PIGS: variants seen among roughly 807,000 people sequenced by gnomAD.
PIGS encodes the protein GPI-anchor transamidase component PIGS.
Under a neutral mutation model 58.2 loss-of-function variants are expected in PIGS, and 37 were observed. The ratio of observed to expected loss-of-function variants is 0.64; its 90% confidence interval spans 0.49 to 0.84. PIGS has a LOEUF of 0.84. Among genes scored for constraint, PIGS ranks in the 40% least tolerant of loss-of-function variants. The pLI is 0.00. For missense variants in PIGS, 629 were observed against 710.8 expected, an observed-to-expected ratio of 0.88 and a Z score of 1.31; for synonymous variants, 269 against 289.2, an observed-to-expected ratio of 0.93 and a Z score of 0.71.
At chr17:28,565,698 G>A (rs767431493) in intron 3 of PIGS, among the ~76,000 whole-genome samples, 3 of 152,054 alleles carry the variant, frequency 2.0e-5, no homozygotes, top group African/African-American at 7.2e-5. Context: ...AGACCAGCTC[G>A]GGGAACACAG....
chr17:28,568,941 C>T (rs1238320598), intron 3 of PIGS, among the ~76,000 whole-genome samples: 1 of 151,302 alleles, frequency 6.6e-6, no homozygotes, highest in African/African-American at 2.4e-5. Context: ...ACTAAAAATG[C>T]AAAAAATTAG....
At chr17:28,566,454 C>A (rs1279824281) in intron 3 of PIGS, among the ~76,000 whole-genome samples, 1 of 151,842 alleles carries the variant, frequency 6.6e-6, no homozygotes, top group African/African-American at 2.4e-5. Context: ...CCACACCCAG[C>A]TAATTTTTGT....
chr17:28,560,236 A>C, intron 6 of PIGS, 45 bp from the exon 7 acceptor site: 1 of 1,585,398 alleles, frequency 6.3e-7, no homozygotes, highest in Non-Finnish European at 8.6e-7. Context: ...TTGTGGATCA[A>C]AGAAGAGGGG....
Position 28,559,500 on chromosome 17 carries a change from A to G in PIGS, c.819+549T>C, listed in dbSNP as rs371392712. On this transcript the variant is annotated intron_variant, in intron 7 of 11. Coordinates refer to ENST00000308360, the MANE Select transcript of PIGS (RefSeq NM_033198.4). ...TACAAAAATCAGCTGGGCAAAGATC[A>G]AGACCATCCTGGCCAATGTGGTGAA... is the stretch of plus-strand genomic sequence containing the variant. Among the ~76,000 whole-genome samples the G allele has an allele frequency of 2.2e-3, 334 of 151,246 alleles. 1 individual carries two copies. Among genetic ancestry groups the G allele is most frequent in the African/African-American group, 8.0e-3 (331 of 41,284 alleles).
At chr17:28,561,365 T>C (rs1488269197) in intron 6 of PIGS, 57 bp downstream of exon 6, 2 of 1,570,690 alleles carry the variant, frequency 1.3e-6, no homozygotes, top group African/African-American at 1.4e-5. Context: ...CAGATTTCCC[T>C]CCTGCCCCAT....
In PIGS at chr17:28,563,372, AC is replaced by A. The variant is rs2070375271; in HGVS notation, c.468+58del. On this transcript the variant is annotated intron_variant, in intron 5 of 11. Coordinates refer to ENST00000308360, the MANE Select transcript of PIGS (RefSeq NM_033198.4). ...GTAGCAATGATGCAAGAAGGAGGTG[AC>A]CCAGGAGTCCACGAGCTGAAGGGAT... 4 of 1,355,176 alleles carry A rather than the reference AC, an allele frequency of 3.0e-6. 1 individual carries two copies. The highest frequency in any genetic ancestry group is 1.8e-4 in the Middle Eastern group (1 of 5,564). The allele number at this position is 1,355,176 out of a possible 1,614,324, so 83.9% of individuals were successfully genotyped here. A position where few individuals can be genotyped will look rare whatever the true frequency, so the allele number is the denominator to read the frequency against.
rs1251186141 is a variant in PIGS at position 28,556,234 on chromosome 17, G to A, written c.1113C>T (p.Ala371=). 1.2e-6 allele frequency: 2 copies of A among 1,613,744 alleles called. No individual in the cohort carries two copies. Among genetic ancestry groups the A allele is most frequent in the East Asian group, 4.5e-5 (2 of 44,868 alleles). Residue 371 remains alanine, a synonymous_variant, in exon 10 of 12, where the codon GCC becomes GCT. Transcript: ENST00000308360. The part of the protein sequence containing the change: ...VYNVDSKTYN[A]SVLPVRVEVD... ...CCTCGACTCTCACTGGCAGCACTGA[G>A]GCATTATAGGTTTTGGAGTCAACAT...
intron 3 of PIGS, among the ~76,000 whole-genome samples, chr17:28,569,091 C>G (rs183122783): frequency 1.4e-5 from 2 of 142,456 alleles, no homozygotes; most frequent in Admixed American, 6.9e-5. Flanking sequence ...GAGCGAAACT[C>G]CATCTCAAAA....
chr17:28,570,987 G>C (rs769679289), intron 2 of PIGS, 24 bp from the exon 3 acceptor site: 7 of 1,614,208 alleles, frequency 4.3e-6, no homozygotes, highest in Non-Finnish European at 5.9e-6. Context: ...CATCAGGGCC[G>C]TCACTGAGTC....
At chr17:28,562,733 C>T (rs879170270) in intron 5 of PIGS, among the ~76,000 whole-genome samples, 1 of 147,490 alleles carries the variant, frequency 6.8e-6, no homozygotes, top group African/African-American at 2.5e-5. Context: ...CGCACCCGGC[C>T]GATTCTTGTA....
At chr17:28,566,872 C>A (rs1176393285) in intron 3 of PIGS, among the ~76,000 whole-genome samples, 2 of 152,086 alleles carry the variant, frequency 1.3e-5, no homozygotes, top group Non-Finnish European at 2.9e-5. Flanking sequence ...GGATTACAGG[C>A]GTGAGCCACT....
Position 28,563,539 on chromosome 17 carries a change from G to A in PIGS, c.377-17C>T, listed in dbSNP as rs1337184748. On this transcript the variant is annotated splice_polypyrimidine_tract_variant and intron_variant, in intron 4 of 11. Coordinates refer to ENST00000308360, the MANE Select transcript of PIGS (RefSeq NM_033198.4). ...CTTCTGCCTCTGGGGGCAAGAACAG[G>A]TGGTACACCAAGAGCAAAACACCAT... 2 of 1,609,496 alleles carry A rather than the reference G, an allele frequency of 1.2e-6. No homozygotes were observed. Among genetic ancestry groups the A allele is most frequent in the Non-Finnish European group, 1.7e-6 (2 of 1,176,230 alleles).
intron 3 of PIGS, among the ~76,000 whole-genome samples, chr17:28,570,462 G>C (rs1363196335): frequency 3.3e-5 from 5 of 152,246 alleles, no homozygotes; most frequent in African/African-American, 1.2e-4. Flanking sequence ...AGTGAGCCAA[G>C]ATGGCGCCAC....
At position 28,555,170 on chromosome 17, in the gene PIGS, A is replaced by G; in HGVS notation, c.1182-109T>C. 2.7e-6 allele frequency: 3 copies of G among 1,123,508 alleles called. No individual in the cohort carries two copies. The South Asian group carries it at 4.5e-5, about 17-fold the overall frequency. The allele number at this position is 1,123,508 out of a possible 1,614,324, so 69.6% of individuals were successfully genotyped here. On this transcript the variant is annotated intron_variant, in intron 10 of 11. Coordinates refer to ENST00000308360, the MANE Select transcript of PIGS (RefSeq NM_033198.4). Reference sequence around the variant, plus strand: ...GAGCCAGTGATTTTCAATCTTACCCAGAACCATAGGGGTTAAAGGGAAGTA... The same window carrying G: ...GAGCCAGTGATTTTCAATCTTACCCGGAACCATAGGGGTTAAAGGGAAGTA...
chr17:28,554,391 C>T lies in PIGS; in HGVS notation c.1497G>A (p.Glu499=). 1.9e-6 allele frequency: 3 copies of T among 1,614,160 alleles called. No individual in the cohort carries two copies. Among genetic ancestry groups the T allele is most frequent in the Non-Finnish European group, 2.5e-6 (3 of 1,180,034 alleles). The change falls in exon 12 of 12, where the codon GAG becomes GAA. Residue 499 remains glutamate (E), a synonymous_variant. Coordinates refer to ENST00000308360, the MANE Select transcript of PIGS (RefSeq NM_033198.4). ...GGAGTGACGGGTCAAAGAAGGCAAG[C>T]TCAGAGGATGTCACAGCTTCCTGGC... ...VASQEAVTSS[E]LAFFDPSLLH... is the part of the protein sequence containing the mutation.
chr17:28,561,399 T>G, intron 6 of PIGS, 23 bp downstream of exon 6: 1 of 1,612,560 alleles, frequency 6.2e-7, no homozygotes, highest in Non-Finnish European at 8.5e-7. Flanking sequence ...TCTCCCTTCA[T>G]GTGGCAGAGC....
Position 28,556,904 on chromosome 17 carries a change from G to A in PIGS, c.1003C>T (p.Pro335Ser), listed in dbSNP as rs985606304. The change falls in exon 9 of 12, where the codon CCG becomes TCG. Residue 335 changes from proline (P) to serine (S), a missense_variant. Transcript: ENST00000308360. ...CCATCCTTGTCCTGAATGTACAGCGGTGAGTGTGCAAGCTCAGGCACGTAG... is the reference window on the plus strand; with the variant it reads ...CCATCCTTGTCCTGAATGTACAGCGATGAGTGTGCAAGCTCAGGCACGTAG... ...LLYVPELAHS[P>S]LYIQDKDGAP... is the part of the protein sequence containing the mutation. 2 of 1,614,198 alleles carry A rather than the reference G, an allele frequency of 1.2e-6. No individual in the cohort carries two copies. The highest frequency in any genetic ancestry group is 2.2e-5 in the East Asian group (1 of 44,886).
Position 28,554,414 on chromosome 17 carries a change from G to C in PIGS, c.1474C>G (p.Gln492Glu), listed in dbSNP as rs775482293. Residue 492 changes from glutamine (Q) to glutamate (E), a missense_variant, in exon 12 of 12, where the codon CAG becomes GAG. By Grantham distance (29) the Gln-to-Glu change is conservative. Transcript: ENST00000308360. Reference sequence around the variant, plus strand: ...AGCTCAGAGGATGTCACAGCTTCCTGGCTGGCGACAAAGGCAGATGCCAGG... The same window carrying C: ...AGCTCAGAGGATGTCACAGCTTCCTCGCTGGCGACAAAGGCAGATGCCAGG... Reference protein sequence around the residue: ...GHLASAFVASQEAVTSSELAF... With the variant: ...GHLASAFVASEEAVTSSELAF... The C allele has an allele frequency of 6.2e-7, 1 of 1,614,076 alleles. No individual in the cohort carries two copies. The highest frequency in any genetic ancestry group is 1.3e-5 in the African/African-American group (1 of 74,914).
intron 8 of PIGS, 33 bp from the exon 9 acceptor site, chr17:28,557,005 C>T (rs770755730): frequency 6.2e-7 from 1 of 1,613,292 alleles, no homozygotes; most frequent in Non-Finnish European, 8.5e-7. Flanking sequence ...AATATCAAAA[C>T]ATGCTGGACC....
Sources: allele counts gnomAD v4.1 joint callset (sites outside exome capture counted in the v4.1 genomes callset), GRCh38; gene constraint gnomAD v4.1.1; transcripts MANE v1.5; gene names NCBI Gene and HGNC (gene_info 2026-07-23, HGNC 2026-07-21).